The following LRRC4C variants were observed in gnomAD, a reference collection of about 807,000 sequenced individuals.
LRRC4C encodes the protein leucine rich repeat containing 4C, also known as leucine-rich repeat-containing protein 4C.
A neutral mutation model predicts 33.6 loss-of-function variants in LRRC4C; 5 were observed. The observed-to-expected ratio is 0.15, with a 90% CI of 0.08 to 0.31. The LOEUF (loss-of-function observed/expected upper bound fraction) is 0.31. Among genes scored for constraint, LRRC4C ranks in the 10% least tolerant of loss-of-function variants. The pLI is 1.00. For missense variants in LRRC4C, 560 were observed against 796.7 expected, an observed-to-expected ratio of 0.70 and a Z score of 3.58; for synonymous variants, 329 against 302.0, an observed-to-expected ratio of 1.09 and a Z score of -0.93.
chr11:40,681,823 T>A (rs1944704052), intron 2 of LRRC4C, among the ~76,000 whole-genome samples: 1 of 152,188 alleles, frequency 6.6e-6, no homozygotes, highest in African/African-American at 2.4e-5. Flanking sequence ...GAGACTATTA[T>A]TCTAAGTGAA....
intron 1 of LRRC4C, among the ~76,000 whole-genome samples, chr11:40,986,657 G>A (rs1853031132): frequency 6.6e-6 from 1 of 151,978 alleles, no homozygotes; most frequent in South Asian, 2.1e-4. Flanking sequence ...AAACTCTGGC[G>A]ATATGATTTT....
At chr11:40,693,180 C>A (rs1344457867) in intron 2 of LRRC4C, among the ~76,000 whole-genome samples, 1 of 152,022 alleles carries the variant, frequency 6.6e-6, no homozygotes, top group African/African-American at 2.4e-5. Flanking sequence ...GGTTGTGTGG[C>A]ACTGGAAATG....
At chr11:40,117,999 A>C (rs951875653) in intron 6 of LRRC4C, among the ~76,000 whole-genome samples, 4 of 149,420 alleles carry the variant, frequency 2.7e-5, no homozygotes, top group African/African-American at 9.8e-5. Context: ...TCATATTAAA[A>C]ATATTTTTAA....
chr11:40,286,230 A>G (rs963996226), intron 4 of LRRC4C, among the ~76,000 whole-genome samples: 7 of 152,312 alleles, frequency 4.6e-5, no homozygotes, highest in African/African-American at 1.7e-4. Context: ...CAACAATTAT[A>G]ACAACATACT....
intron 1 of LRRC4C, among the ~76,000 whole-genome samples, chr11:41,196,539 A>G (rs1160439010): frequency 6.6e-6 from 1 of 152,066 alleles, no homozygotes; most frequent in Non-Finnish European, 1.5e-5. Flanking sequence ...AGAGGAATAA[A>G]TACTTGATCA....
At chr11:40,421,729 C>T (rs1950531434) in intron 3 of LRRC4C, among the ~76,000 whole-genome samples, 2 of 152,154 alleles carry the variant, frequency 1.3e-5, no homozygotes, top group Admixed American at 1.3e-4. Flanking sequence ...TGTGAGCAGT[C>T]ATTATATTTT....
At chr11:41,083,897 G>A (rs1939764335) in intron 1 of LRRC4C, among the ~76,000 whole-genome samples, 1 of 152,282 alleles carries the variant, frequency 6.6e-6, no homozygotes, top group South Asian at 2.1e-4. Context: ...TAGAGAATAT[G>A]TAAGACTTCA....
At chr11:40,298,945 C>T (rs923633036) in intron 4 of LRRC4C, among the ~76,000 whole-genome samples, 3 of 152,130 alleles carry the variant, frequency 2.0e-5, no homozygotes, top group Non-Finnish European at 2.9e-5. Flanking sequence ...GTCCCTCCCC[C>T]AACACATGGC....
intron 1 of LRRC4C, among the ~76,000 whole-genome samples, chr11:40,959,542 A>G (rs959716104): frequency 1.3e-5 from 2 of 151,790 alleles, no homozygotes; most frequent in Non-Finnish European, 2.9e-5. Flanking sequence ...TTAATTTTGC[A>G]TTAAGTTTGT....
intron 4 of LRRC4C, among the ~76,000 whole-genome samples, chr11:40,288,001 C>A (rs1943958209): frequency 6.6e-6 from 1 of 152,174 alleles, no homozygotes; most frequent in African/African-American, 2.4e-5. Context: ...CAAATCTAAA[C>A]TAAAATCATA....
At chr11:41,315,481 G>T (rs1565574566) in intron 1 of LRRC4C, among the ~76,000 whole-genome samples, 1 of 152,130 alleles carries the variant, frequency 6.6e-6, no homozygotes, top group Non-Finnish European at 1.5e-5. Flanking sequence ...TCTATCAAGA[G>T]ACTCTCATGG....
intron 2 of LRRC4C, among the ~76,000 whole-genome samples, chr11:40,759,244 G>A (rs1949083651): frequency 6.8e-6 from 1 of 146,482 alleles, no homozygotes; most frequent in African/African-American, 2.5e-5. Flanking sequence ...TATATATTAT[G>A]TATGTACTTC....
At chr11:41,262,154 G>A (rs1195844847) in intron 1 of LRRC4C, among the ~76,000 whole-genome samples, 1 of 151,856 alleles carries the variant, frequency 6.6e-6, no homozygotes, top group Admixed American at 6.6e-5. Context: ...CCTAAAGGCT[G>A]GCATACTATG....
At chr11:41,438,185 C>T (rs1313515579) in intron 1 of LRRC4C, among the ~76,000 whole-genome samples, 2 of 151,914 alleles carry the variant, frequency 1.3e-5, no homozygotes, top group African/African-American at 4.8e-5. Flanking sequence ...TAACATGTGG[C>T]AGACACTGTA....
chr11:41,192,414 C>CAT (rs1450836102), intron 1 of LRRC4C, among the ~76,000 whole-genome samples: 5 of 151,410 alleles, frequency 3.3e-5, no homozygotes, highest in African/African-American at 1.2e-4. Context: ...CACACACACA[C>CAT]ACACACACAC....
At chr11:40,388,696 G>C (rs1347361322) in intron 3 of LRRC4C, among the ~76,000 whole-genome samples, 2 of 152,156 alleles carry the variant, frequency 1.3e-5, no homozygotes, top group South Asian at 2.1e-4. Flanking sequence ...TGCTAACTGA[G>C]CTAGATGGAA....
chr11:40,772,602 G>T (rs978027010), intron 2 of LRRC4C, among the ~76,000 whole-genome samples: 2 of 152,196 alleles, frequency 1.3e-5, no homozygotes, highest in Non-Finnish European at 2.9e-5. Context: ...AAGGAAAGAT[G>T]CTCAACATCA....
chr11:41,097,729 T>G (rs1195325024), intron 1 of LRRC4C, among the ~76,000 whole-genome samples: 2 of 152,170 alleles, frequency 1.3e-5, no homozygotes, highest in Non-Finnish European at 2.9e-5. Flanking sequence ...TTATGGTACT[T>G]TTCTTGAGGA....
At chr11:40,251,980 G>A (rs1022795166) in intron 4 of LRRC4C, among the ~76,000 whole-genome samples, 1 of 152,108 alleles carries the variant, frequency 6.6e-6, no homozygotes, top group Non-Finnish European at 1.5e-5. Flanking sequence ...TTCTCTGAGT[G>A]TCAATGAATT....
Sources: allele counts gnomAD v4.1 joint callset (sites outside exome capture counted in the v4.1 genomes callset), GRCh38; gene constraint gnomAD v4.1.1; transcripts MANE v1.5; gene names NCBI Gene and HGNC (gene_info 2026-07-23, HGNC 2026-07-21).